Variants in FOXF2 observed in about 807,000 individuals in gnomAD.
The protein encoded by FOXF2 is forkhead box F2.
In FOXF2, 15 loss-of-function variants were observed where a neutral mutation model predicts 29.1. The observed-to-expected ratio is 0.52, with a 90% CI of 0.35 to 0.79. The LOEUF (loss-of-function observed/expected upper bound fraction) is 0.79. Among genes scored for constraint, FOXF2 ranks in the 30% least tolerant of loss-of-function variants. The probability of loss-of-function intolerance (pLI) is 0.01; values close to 1 mark genes in which losing one functional copy is unlikely to be tolerated. For synonymous variants in FOXF2, 337 were observed against 316.5 expected, an observed-to-expected ratio of 1.06 and a Z score of -0.69; for missense variants, 675 against 667.1, an observed-to-expected ratio of 1.01 and a Z score of -0.13.
At chr6:1,394,619 T>C in intron 1 of FOXF2, 77 bp from the exon 2 acceptor site, 1 of 1,453,778 alleles carries the variant, frequency 6.9e-7, no homozygotes, top group Non-Finnish European at 9.6e-7. Context: ...TTTTGTACTC[T>C]GAGGCAAAAT....
Position 1,391,075 on chromosome 6 carries a change from G to A in FOXF2, c.1128G>A (p.Leu376=), listed in dbSNP as rs764257180. The A allele has an allele frequency of 4.3e-5, 69 of 1,603,452 alleles. No individual in the cohort carries two copies. Among genetic ancestry groups the A allele is most frequent in the Non-Finnish European group, 5.6e-5 (66 of 1,179,426 alleles). ...GLHSSMSSYS[L]EQSYLHQNAR... is the part of the protein sequence containing the mutation. ...ACTCCAGCATGTCCTCCTACTCGCT[G>A]GAGCAGAGCTACTTGCACCAGAACG... The change falls in exon 1 of 2, where the codon CTG becomes CTA. Residue 376 remains leucine (L), a synonymous_variant. Transcript: ENST00000645481.
chr6:1,390,850 G>GGC lies in FOXF2; in HGVS notation c.904_905insCG (p.Gly302AlafsTer55). ...GACCCGGGGGCGTCGGTGCGGCCGG[G>GGC]GGCGGCGGCGGCGGCGACTACGGGC... On this transcript the variant is annotated frameshift_variant, in exon 1 of 2. Coordinates refer to ENST00000645481, the MANE Select transcript of FOXF2 (RefSeq NM_001452.2). LOFTEE classifies it high-confidence loss of function. This position sits in a 1 kb window ranked among gnomAD's most constrained non-coding sequence, Gnocchi z 8.5. 4.2e-6 allele frequency: 6 copies of GGC among 1,418,274 alleles called. No homozygotes were observed. Among genetic ancestry groups the GGC allele is most frequent in the African/African-American group, 1.5e-5 (1 of 66,326 alleles). 87.9% of individuals were successfully genotyped at this position (1,418,274 alleles called of 1,614,324 possible).
intron 1 of FOXF2, 83 bp from the exon 2 acceptor site, chr6:1,394,613 G>T: frequency 7.3e-7 from 1 of 1,368,006 alleles, no homozygotes; most frequent in Non-Finnish European, 1.0e-6. Context: ...AGCACCTTTT[G>T]TACTCTGAGG....
Position 1,390,847 on chromosome 6 carries a change from CG to C in FOXF2, c.905del (p.Gly302AlafsTer54). On this transcript the variant is annotated frameshift_variant, in exon 1 of 2. Coordinates refer to ENST00000645481, the MANE Select transcript of FOXF2 (RefSeq NM_001452.2). LOFTEE classifies it high-confidence loss of function. This position sits in a 1 kb window ranked among gnomAD's most constrained non-coding sequence, Gnocchi z 8.5. ...PAGPGGVGAA[G>X]GGGGGDYGPD... is the part of the protein sequence containing the mutation. ...CGGGACCCGGGGGCGTCGGTGCGGC[CG>C]GGGGCGGCGGCGGCGGCGACTACGG... The C allele has an allele frequency of 3.7e-6, 5 of 1,366,914 alleles. No homozygotes were observed. Among genetic ancestry groups the C allele is most frequent in the Admixed American group, 3.5e-5 (1 of 28,872 alleles). The allele number at this position is 1,366,914 out of a possible 1,614,324, so 84.7% of individuals were successfully genotyped here. A position where few individuals can be genotyped will look rare whatever the true frequency, so the allele number is the denominator to read the frequency against.
intron 1 of FOXF2, among the ~76,000 whole-genome samples, chr6:1,391,544 G>C (rs1195125527): frequency 1.3e-5 from 2 of 152,070 alleles, no homozygotes; most frequent in Non-Finnish European, 2.9e-5. Flanking sequence ...CTGTACTTCT[G>C]TCCCGAAGTA....
chr6:1,391,489 T>C (rs547959561), intron 1 of FOXF2, among the ~76,000 whole-genome samples: 9 of 152,382 alleles, frequency 5.9e-5, no homozygotes, highest in South Asian at 4.1e-4. Context: ...GTCAGGAAGC[T>C]GTGTCTAGTT....
chr6:1,394,801 C>CGTATTA lies in FOXF2; in HGVS notation c.1278_1283dup (p.Tyr427_Tyr428insTer), dbSNP rs1201323082. Reference sequence around the variant, plus strand: ...TCTTTCCATCCCTCAGCTAGCGGGTCGTATTATCACCATCACCACCAGAGC... The same window carrying CGTATTA: ...TCTTTCCATCCCTCAGCTAGCGGGTCGTATTAGTATTATCACCATCACCACCAGAGC... On this transcript the variant is annotated stop_gained and inframe_insertion, in exon 2 of 2. Transcript: ENST00000645481. LOFTEE classifies it high-confidence loss of function. The CGTATTA allele has an allele frequency of 2.2e-5, 35 of 1,614,056 alleles. No individual in the cohort carries two copies. Among genetic ancestry groups the CGTATTA allele is most frequent in the Non-Finnish European group, 2.9e-5 (34 of 1,179,996 alleles).
chr6:1,395,164 T>G lies in FOXF2; in HGVS notation c.*305T>G. On this transcript the variant is annotated 3_prime_UTR_variant, in exon 2 of 2. Coordinates refer to ENST00000645481, the MANE Select transcript of FOXF2 (RefSeq NM_001452.2). ...TCAACGTGTATCTGTGGGATCTTCGTTGCCTTCAGTAATCAGGGTGTGAAA... is the reference window on the plus strand; with the variant it reads ...TCAACGTGTATCTGTGGGATCTTCGGTGCCTTCAGTAATCAGGGTGTGAAA... The G allele has an allele frequency of 2.4e-6, 1 of 424,554 alleles. No individual in the cohort carries two copies. The highest frequency in any genetic ancestry group is 4.4e-6 in the Non-Finnish European group (1 of 229,818). The allele number at this position is 424,554 out of a possible 1,614,324, so 26.3% of individuals were successfully genotyped here. A position where few individuals can be genotyped will look rare whatever the true frequency, so the allele number is the denominator to read the frequency against.
In FOXF2 at chr6:1,390,154, C is replaced by T; in HGVS notation, c.207C>T (p.Pro69=). The change falls in exon 1 of 2, where the codon CCC becomes CCT. Residue 69 remains proline (P), a synonymous_variant. Transcript: ENST00000645481. This position sits in a 1 kb window ranked among gnomAD's most constrained non-coding sequence, Gnocchi z 8.5. The part of the protein sequence containing the change: ...SSSSSNSASA[P]SAACKSAGGG... ...CCTCCTCCAATTCGGCCAGCGCCCC[C>T]TCGGCTGCCTGCAAGAGCGCGGGCG... is the stretch of plus-strand genomic sequence containing the variant. The T allele has an allele frequency of 2.0e-6, 3 of 1,464,556 alleles. No homozygotes were observed. The highest frequency in any genetic ancestry group is 2.6e-5 in the South Asian group (2 of 76,530). 90.7% of individuals were successfully genotyped at this position (1,464,556 alleles called of 1,614,324 possible).
At chr6:1,394,269 G>A (rs951695268) in intron 1 of FOXF2, among the ~76,000 whole-genome samples, 1 of 152,186 alleles carries the variant, frequency 6.6e-6, no homozygotes, top group Non-Finnish European at 1.5e-5. Flanking sequence ...TGTTTCTGGG[G>A]TAGGGTGCTT....
Position 1,390,072 on chromosome 6 carries a change from C to G in FOXF2, c.125C>G (p.Pro42Arg), listed in dbSNP as rs1244710115. 7.1e-7 allele frequency: 1 copy of G among 1,405,760 alleles called. No homozygotes were observed. Among genetic ancestry groups the G allele is most frequent in the Non-Finnish European group, 9.3e-7 (1 of 1,072,814 alleles). The allele number at this position is 1,405,760 out of a possible 1,614,324, so 87.1% of individuals were successfully genotyped here. The change falls in exon 1 of 2, where the codon CCG becomes CGG. Residue 42 changes from proline (P) to arginine (R), a missense_variant. This residue lies in a region of FOXF2 where 220 missense variants were observed against 205.5 expected (regional missense o/e 1.07). Coordinates refer to ENST00000645481, the MANE Select transcript of FOXF2 (RefSeq NM_001452.2). This position sits in a 1 kb window ranked among gnomAD's most constrained non-coding sequence, Gnocchi z 8.5. ...GCCGCCGCCGCCGCCGCCGCCGCCC[C>G]GGAGACCACCTCCTCCTCCTCGTCG... ...PAAAAAAAAAPETTSSSSSSS... is the reference protein window; with the variant it reads ...PAAAAAAAAARETTSSSSSSS...
At position 1,389,999 on chromosome 6, in the gene FOXF2, C is replaced by A. The variant is rs927643069; in HGVS notation, c.52C>A (p.Pro18Thr). 2 of 1,082,792 alleles carry A rather than the reference C, an allele frequency of 1.8e-6. No individual in the cohort carries two copies. 67.1% of individuals were successfully genotyped at this position (1,082,792 alleles called of 1,614,324 possible). ...PPAPLRRACS[P>T]VPGALQAALM... ...GGCCCCGCTCCGCCGCGCGTGCAGC[C>A]CGGTCCCCGGCGCGCTCCAGGCCGC... Residue 18 changes from proline to threonine, a missense_variant, in exon 1 of 2, where the codon CCG becomes ACG. Physicochemically the swap from Pro to Thr is conservative, Grantham distance 38 (BLOSUM62 -1). Coordinates refer to ENST00000645481, the MANE Select transcript of FOXF2 (RefSeq NM_001452.2).
chr6:1,390,773 A>C lies in FOXF2; in HGVS notation c.826A>C (p.Met276Leu), dbSNP rs1216479990. Residue 276 changes from methionine (M) to leucine (L), a missense_variant, in exon 1 of 2, where the codon ATG (methionine) becomes CTG (leucine). Coordinates refer to ENST00000645481, the MANE Select transcript of FOXF2 (RefSeq NM_001452.2). This position sits in a 1 kb window ranked among gnomAD's most constrained non-coding sequence, Gnocchi z 8.5. ...CCACCACCACCACCACGTCCCGCAC[A>C]TGTCGCCCAACCCGGGTTCCACCTA... ...HHHHHHHVPH[M>L]SPNPGSTYMA... 2 of 1,393,002 alleles carry C rather than the reference A, an allele frequency of 1.4e-6. No homozygotes were observed. 86.3% of individuals were successfully genotyped at this position (1,393,002 alleles called of 1,614,324 possible).
At position 1,395,163 on chromosome 6, in the gene FOXF2, G is replaced by C. The variant is rs765491423; in HGVS notation, c.*304G>C. 1 of 421,970 alleles carries C rather than the reference G, an allele frequency of 2.4e-6. No individual in the cohort carries two copies. Among genetic ancestry groups the C allele is most frequent in the Non-Finnish European group, 4.4e-6 (1 of 228,378 alleles). The allele number at this position is 421,970 out of a possible 1,614,324, so 26.1% of individuals were successfully genotyped here. A position where few individuals can be genotyped will look rare whatever the true frequency, so the allele number is the denominator to read the frequency against. On this transcript the variant is annotated 3_prime_UTR_variant, in exon 2 of 2. Transcript: ENST00000645481. The stretch of plus-strand genomic sequence containing the variant: ...ATCAACGTGTATCTGTGGGATCTTC[G>C]TTGCCTTCAGTAATCAGGGTGTGAA...
At position 1,390,061 on chromosome 6, in the gene FOXF2, C is replaced by T; in HGVS notation, c.114C>T (p.Ala38=). Residue 38 remains alanine (A), a synonymous_variant, in exon 1 of 2, where the codon GCC becomes GCT. Transcript: ENST00000645481. The surrounding 1 kb of genome is among the most constrained non-coding windows in gnomAD (Gnocchi z 8.5). ...CGCCGCCCGCCGCCGCCGCCGCCGC[C>T]GCCGCCGCCCCGGAGACCACCTCCT... ...MSPPPAAAAA[A]AAAPETTSSS... 2 of 1,393,992 alleles carry T rather than the reference C, an allele frequency of 1.4e-6. No homozygotes were observed. Among genetic ancestry groups the T allele is most frequent in the Non-Finnish European group, 9.3e-7 (1 of 1,069,592 alleles). The allele number at this position is 1,393,992 out of a possible 1,614,324, so 86.4% of individuals were successfully genotyped here.
intron 1 of FOXF2, among the ~76,000 whole-genome samples, 198 bp from the exon 2 acceptor site, chr6:1,394,496 CAT>C (rs1197002031): frequency 6.6e-6 from 1 of 152,188 alleles, no homozygotes; most frequent in East Asian, 1.9e-4. Flanking sequence ...CAAAACAAAA[CAT>C]AATGATTCCA....
At chr6:1,391,736 C>G (rs1371205998) in intron 1 of FOXF2, among the ~76,000 whole-genome samples, 2 of 140,128 alleles carry the variant, frequency 1.4e-5, no homozygotes, top group Non-Finnish European at 3.2e-5. Flanking sequence ...TTCCCTGCCT[C>G]CCCCCCCGCC....
In FOXF2 at chr6:1,390,034, CCCGCCGCCCG is replaced by C; in HGVS notation, c.96_105del (p.Ala33ProfsTer86). On this transcript the variant is annotated frameshift_variant, in exon 1 of 2. Transcript: ENST00000645481. LOFTEE classifies it high-confidence loss of function. This position sits in a 1 kb window ranked among gnomAD's most constrained non-coding sequence, Gnocchi z 8.5. ...GCGCGCTCCAGGCCGCCCTGATGAG[CCCGCCGCCCG>C]CCGCCGCCGCCGCCGCCGCCGCCGC... is the stretch of plus-strand genomic sequence containing the variant. 7.4e-7 allele frequency: 1 copy of C among 1,353,592 alleles called. No individual in the cohort carries two copies. Among genetic ancestry groups the C allele is most frequent in the South Asian group, 1.6e-5 (1 of 63,970 alleles). 83.8% of individuals were successfully genotyped at this position (1,353,592 alleles called of 1,614,324 possible).
In FOXF2 at chr6:1,393,027, C is replaced by T. The variant is rs957190487; in HGVS notation, c.1172-1669C>T. 3.3e-5 allele frequency among the ~76,000 whole-genome samples: 5 copies of T among 152,224 alleles called. 1 individual carries two copies. Among genetic ancestry groups the T allele is most frequent in the Admixed American group, 3.3e-4 (5 of 15,292 alleles). ...GCGGTGGAGGCTTCGGAGGAGCCGG[C>T]CGGATGCACCGGGACCCCGCGGGGC... On this transcript the variant is annotated intron_variant, in intron 1 of 1. Coordinates refer to ENST00000645481, the MANE Select transcript of FOXF2 (RefSeq NM_001452.2).
Sources: gnomAD v4.1 joint callset for allele counts (sites outside exome capture counted in the v4.1 genomes callset) on GRCh38, gnomAD v4.1.1 for gene constraint, gnomAD v4.1.1 regional missense constraint, Gnocchi (gnomAD v3.1) non-coding constraint, MANE v1.5 for transcripts, NCBI Gene and HGNC (gene_info 2026-07-23, HGNC 2026-07-21) for gene names.